The following DOK6 variants were observed in gnomAD, a reference collection of about 807,000 sequenced individuals.
DOK6 encodes docking protein 6, also known as downstream of tyrosine kinase 6.
In DOK6, 22 loss-of-function variants were observed where a neutral mutation model predicts 44.0. The ratio of observed to expected loss-of-function variants is 0.50; its 90% CI spans 0.36 to 0.71. The LOEUF is 0.71. Ranked by LOEUF, DOK6 falls within the 30% of genes least tolerant of loss-of-function variation. The pLI is 0.00. For synonymous variants in DOK6, 166 were observed against 145.5 expected (o/e 1.14, Z -1.01); for missense variants, 340 against 416.4 (o/e 0.82, Z 1.60).
At chr18:69,745,443 CTT>C (rs1978954078) in intron 6 of DOK6, among the ~76,000 whole-genome samples, 1 of 152,146 alleles carries the variant, frequency 6.6e-6, no homozygotes, top group Non-Finnish European at 1.5e-5. Flanking sequence ...CTCAGACTAT[CTT>C]TTCTTTGGAA....
intron 1 of DOK6, among the ~76,000 whole-genome samples, chr18:69,543,093 G>T (rs374190979): frequency 6.6e-6 from 1 of 151,442 alleles, no homozygotes; most frequent in East Asian, 1.9e-4. Context: ...AGCAGACCCC[G>T]TAATGGCCTT....
At chr18:69,839,406 C>T (rs1202763246) in intron 7 of DOK6, among the ~76,000 whole-genome samples, 2 of 150,868 alleles carry the variant, frequency 1.3e-5, no homozygotes, top group Admixed American at 6.6e-5. Flanking sequence ...CCTCCCCTAA[C>T]TCCTTCCCTA....
intron 1 of DOK6, among the ~76,000 whole-genome samples, chr18:69,494,214 G>A (rs1481667908): frequency 6.6e-6 from 1 of 152,220 alleles, no homozygotes; most frequent in Non-Finnish European, 1.5e-5. Flanking sequence ...GGTGGCTCAT[G>A]CCTGTAATCC....
At chr18:69,715,208 A>G (rs902902661) in intron 5 of DOK6, among the ~76,000 whole-genome samples, 5 of 152,156 alleles carry the variant, frequency 3.3e-5, no homozygotes, top group Non-Finnish European at 2.9e-5. Flanking sequence ...CTGGAGATTA[A>G]TTTTGCCCAG....
intron 7 of DOK6, among the ~76,000 whole-genome samples, chr18:69,802,261 T>C (rs1431444320): frequency 6.6e-6 from 1 of 152,142 alleles, no homozygotes; most frequent in African/African-American, 2.4e-5. Flanking sequence ...TAGTGTCTGA[T>C]TTACCATGGT....
chr18:69,570,291 G>A (rs533810408), intron 2 of DOK6, among the ~76,000 whole-genome samples: 4 of 152,052 alleles, frequency 2.6e-5, no homozygotes, highest in Non-Finnish European at 5.9e-5. Flanking sequence ...AGAACTACAA[G>A]TAAGACATCC....
intron 5 of DOK6, among the ~76,000 whole-genome samples, chr18:69,704,178 T>C (rs1384494796): frequency 2.0e-5 from 3 of 152,178 alleles, no homozygotes; most frequent in Non-Finnish European, 2.9e-5. Context: ...AGTACAGTGG[T>C]AATGCATGTT....
At chr18:69,755,986 C>A (rs1739234482) in intron 6 of DOK6, among the ~76,000 whole-genome samples, 1 of 152,246 alleles carries the variant, frequency 6.6e-6, no homozygotes, top group Admixed American at 6.5e-5. Flanking sequence ...TCCTCCCCTG[C>A]ATCAGGTGTG....
intron 6 of DOK6, among the ~76,000 whole-genome samples, chr18:69,743,904 G>A (rs926623462): frequency 6.6e-5 from 10 of 151,962 alleles, no homozygotes; most frequent in African/African-American, 2.4e-4. Flanking sequence ...TGTATACAGT[G>A]TAAGGACAAA....
intron 3 of DOK6, among the ~76,000 whole-genome samples, chr18:69,674,981 G>A (rs1306658314): frequency 6.6e-6 from 1 of 152,112 alleles, no homozygotes; most frequent in East Asian, 1.9e-4. Context: ...ATAGTTTACA[G>A]TTCAGTCTTT....
At chr18:69,798,289 G>A (rs938444213) in intron 7 of DOK6, among the ~76,000 whole-genome samples, 1 of 152,090 alleles carries the variant, frequency 6.6e-6, no homozygotes, top group Non-Finnish European at 1.5e-5. Flanking sequence ...GAGGGAAGAA[G>A]TCTATGATAA....
At chr18:69,666,999 C>G (rs1184504117) in intron 3 of DOK6, among the ~76,000 whole-genome samples, 1 of 152,116 alleles carries the variant, frequency 6.6e-6, no homozygotes, top group African/African-American at 2.4e-5. Context: ...AGGACCCCCC[C>G]TCCCCGCCAT....
chr18:69,487,880 T>G (rs186831596), intron 1 of DOK6, among the ~76,000 whole-genome samples: 3 of 152,022 alleles, frequency 2.0e-5, no homozygotes, highest in East Asian at 3.9e-4. Context: ...CAAAAACTCT[T>G]TCTGGTGTAG....
chr18:69,539,544 T>A lies in DOK6; in HGVS notation c.67-24943T>A, dbSNP rs556804353. On this transcript the variant is annotated intron_variant, in intron 1 of 7. Coordinates refer to ENST00000382713, the MANE Select transcript of DOK6 (RefSeq NM_152721.6). Reference sequence around the variant, plus strand: ...TAGCTGGGACTACAGGCACAGGGACTCCAGGATATACGTATATATCCTCCA... The same window carrying A: ...TAGCTGGGACTACAGGCACAGGGACACCAGGATATACGTATATATCCTCCA... Among the ~76,000 whole-genome samples the A allele has an allele frequency of 1.5e-3, 222 of 151,060 alleles. 4 individuals are homozygous for A. Among genetic ancestry groups the A allele is most frequent in the South Asian group, 7.0e-3 (33 of 4,746 alleles).
chr18:69,792,042 G>A (rs922831065), intron 7 of DOK6, among the ~76,000 whole-genome samples: 4 of 152,024 alleles, frequency 2.6e-5, no homozygotes, highest in African/African-American at 7.2e-5. Flanking sequence ...TGGTGACTTT[G>A]TCAAAAATGA....
intron 7 of DOK6, among the ~76,000 whole-genome samples, chr18:69,778,847 T>A (rs1372135943): frequency 6.6e-6 from 1 of 152,172 alleles, no homozygotes; most frequent in Non-Finnish European, 1.5e-5. Flanking sequence ...TATAGCATAG[T>A]ACTGCCATTG....
chr18:69,554,544 C>A (rs2144590791), intron 1 of DOK6, among the ~76,000 whole-genome samples: 1 of 152,264 alleles, frequency 6.6e-6, no homozygotes, highest in South Asian at 2.1e-4. Flanking sequence ...GCCTAGTATT[C>A]AACTATATAC....
chr18:69,484,372 T>G (rs1980514205), intron 1 of DOK6, among the ~76,000 whole-genome samples: 1 of 152,196 alleles, frequency 6.6e-6, no homozygotes, highest in African/African-American at 2.4e-5. Context: ...TCAGTTGATT[T>G]ATTTTTGCTG....
intron 1 of DOK6, among the ~76,000 whole-genome samples, chr18:69,560,127 C>G (rs550160572): frequency 6.6e-6 from 1 of 152,198 alleles, no homozygotes; most frequent in South Asian, 2.1e-4. Context: ...TTTCTTCAGG[C>G]TATGTCTTGT....
Sources: gnomAD v4.1 joint callset for allele counts (sites outside exome capture counted in the v4.1 genomes callset) on GRCh38, gnomAD v4.1.1 for gene constraint, MANE v1.5 for transcripts, NCBI Gene and HGNC (gene_info 2026-07-23, HGNC 2026-07-21) for gene names.